Variants in ALCAM observed in about 807,000 individuals in gnomAD.
The protein encoded by ALCAM is CD166 antigen.
In ALCAM, 30 loss-of-function variants were observed where a neutral mutation model predicts 70.9. That is an observed-to-expected ratio of 0.42 (90% CI 0.32 to 0.57). The LOEUF (loss-of-function observed/expected upper bound fraction) is 0.57. ALCAM is among the 20% of genes least tolerant of loss of function. ALCAM has a pLI of 0.11. For missense variants in ALCAM, 591 were observed against 695.1 expected (o/e 0.85, Z 1.68); for synonymous variants, 249 against 242.5 (o/e 1.03, Z -0.25).
chr3:105,537,436 C>T (rs1487415594), intron 6 of ALCAM, among the ~76,000 whole-genome samples: 1 of 152,084 alleles, frequency 6.6e-6, no homozygotes, highest in Non-Finnish European at 1.5e-5. Flanking sequence ...CAGTGACTCC[C>T]CAGAGCTCTC....
chr3:105,377,264 T>G (rs1935401446), intron 1 of ALCAM, among the ~76,000 whole-genome samples: 1 of 152,138 alleles, frequency 6.6e-6, no homozygotes, highest in African/African-American at 2.4e-5. Flanking sequence ...TTTAGGTTGT[T>G]TCCAATCTTT....
Position 105,450,667 on chromosome 3 carries a change from A to G in ALCAM, c.74-69400A>G, listed in dbSNP as rs566155132. Among the ~76,000 whole-genome samples, 41 of 152,282 alleles carry G rather than the reference A, an allele frequency of 2.7e-4. 1 individual carries two copies. In the East Asian group the frequency reaches 4.2e-3, roughly 16 times the overall value. The stretch of plus-strand genomic sequence containing the variant: ...GCACAACTTTAAATTCTTTTTTTCT[A>G]TATGTCTCAGACAGAATAGATGGAG... On this transcript the variant is annotated intron_variant, in intron 1 of 15. Transcript: ENST00000306107.
intron 1 of ALCAM, among the ~76,000 whole-genome samples, chr3:105,498,042 A>T (rs1349258328): frequency 1.3e-5 from 2 of 149,958 alleles, no homozygotes; most frequent in East Asian, 1.9e-4. Context: ...AAAAAAAAAA[A>T]AAAGGGGGGA....
chr3:105,473,431 T>G (rs1937996276), intron 1 of ALCAM, among the ~76,000 whole-genome samples: 1 of 151,666 alleles, frequency 6.6e-6, no homozygotes, highest in Non-Finnish European at 1.5e-5. Flanking sequence ...CCATGGTCTT[T>G]TATTATAGTT....
At chr3:105,453,840 A>T (rs1937491761) in intron 1 of ALCAM, among the ~76,000 whole-genome samples, 1 of 152,120 alleles carries the variant, frequency 6.6e-6, no homozygotes, top group African/African-American at 2.4e-5. Context: ...GAGATTGTGA[A>T]TGGGAGTTCA....
chr3:105,378,075 A>C (rs1553717647), intron 1 of ALCAM, among the ~76,000 whole-genome samples: 1 of 151,992 alleles, frequency 6.6e-6, no homozygotes, highest in Non-Finnish European at 1.5e-5. Flanking sequence ...GCTTGTCAGA[A>C]TTTTGTATAA....
At chr3:105,542,491 C>A (rs1351903371) in intron 8 of ALCAM, among the ~76,000 whole-genome samples, 1 of 151,654 alleles carries the variant, frequency 6.6e-6, no homozygotes, top group Non-Finnish European at 1.5e-5. Flanking sequence ...CATACCACAC[C>A]CTGGTGACAC....
chr3:105,375,670 G>A (rs1559769520), intron 1 of ALCAM, among the ~76,000 whole-genome samples: 2 of 152,254 alleles, frequency 1.3e-5, no homozygotes, highest in Non-Finnish European at 1.5e-5. Flanking sequence ...ATTTCAGTAT[G>A]AGCATGAATT....
At chr3:105,454,653 A>ATTTTTTTTTTTTTTTTTTTTTTTTTTTT (rs59389132) in intron 1 of ALCAM, among the ~76,000 whole-genome samples, 1 of 61,754 alleles carries the variant, frequency 1.6e-5, no homozygotes, top group Admixed American at 2.9e-4. Context: ...ATGCTCATTA[A>ATTTTTTTTTTTTTTTTTTTTTTTTTTTT]TTTTTTTTTT....
chr3:105,540,697 G>T (rs972201452), intron 7 of ALCAM, among the ~76,000 whole-genome samples: 5 of 151,972 alleles, frequency 3.3e-5, no homozygotes, highest in Non-Finnish European at 7.4e-5. Flanking sequence ...GAGAGAGCTC[G>T]CTCTGAGGAT....
intron 14 of ALCAM, among the ~76,000 whole-genome samples, chr3:105,570,383 T>G (rs1286486021): frequency 6.6e-6 from 1 of 152,090 alleles, no homozygotes; most frequent in East Asian, 1.9e-4. Flanking sequence ...AGGATCAAAT[T>G]GACATTTGGG....
At chr3:105,442,703 C>A (rs1303848330) in intron 1 of ALCAM, among the ~76,000 whole-genome samples, 1 of 151,992 alleles carries the variant, frequency 6.6e-6, no homozygotes, top group African/African-American at 2.4e-5. Flanking sequence ...ATGATGTGAA[C>A]CCGGGAGGCG....
intron 1 of ALCAM, among the ~76,000 whole-genome samples, chr3:105,383,315 C>G (rs1355869375): frequency 1.3e-5 from 2 of 151,496 alleles, no homozygotes; most frequent in Non-Finnish European, 3.0e-5. Flanking sequence ...TTTTTTCTAC[C>G]CAGCGTCTAC....
chr3:105,478,112 T>C (rs777124191), intron 1 of ALCAM, among the ~76,000 whole-genome samples: 6 of 152,204 alleles, frequency 3.9e-5, no homozygotes, highest in Admixed American at 1.3e-4. Flanking sequence ...TCTTCTACTA[T>C]CTAGTAATTT....
Position 105,367,312 on chromosome 3 carries a change from T to C in ALCAM, c.-97T>C. 7.9e-7 allele frequency: 1 copy of C among 1,267,502 alleles called. No homozygotes were observed. The highest frequency in any genetic ancestry group is 1.3e-5 in the South Asian group (1 of 78,754). 78.5% of individuals were successfully genotyped at this position (1,267,502 alleles called of 1,614,324 possible). On this transcript the variant is annotated 5_prime_UTR_variant, in exon 1 of 16. Transcript: ENST00000306107. ...TCTGGGAGAAGACGCTGCCCCTGCG[T>C]CGGGACCCGCCAGCGCGCGGGCACC...
intron 1 of ALCAM, among the ~76,000 whole-genome samples, chr3:105,427,002 A>C (rs1936806886): frequency 6.6e-6 from 1 of 151,880 alleles, no homozygotes; most frequent in South Asian, 2.1e-4. Flanking sequence ...CCTCAAGCCA[A>C]GTGGGACTGT....
chr3:105,500,432 ATTTCC>A (rs772053159), intron 1 of ALCAM, among the ~76,000 whole-genome samples: 25 of 152,226 alleles, frequency 1.6e-4, no homozygotes, highest in Admixed American at 1.2e-3. Context: ...CTTTTAAAAT[ATTTCC>A]TTTCCAACTT....
intron 2 of ALCAM, among the ~76,000 whole-genome samples, chr3:105,522,053 T>A (rs1391750421): frequency 2.6e-5 from 4 of 152,148 alleles, no homozygotes; most frequent in African/African-American, 7.2e-5. Context: ...ACTTTGATGA[T>A]CATAGAAAAT....
chr3:105,418,803 A>G (rs1253479807), intron 1 of ALCAM, among the ~76,000 whole-genome samples: 2 of 151,670 alleles, frequency 1.3e-5, no homozygotes, highest in African/African-American at 4.8e-5. Context: ...CAGGTTCTAG[A>G]GTTTTCCAGA....
Sources: allele counts gnomAD v4.1 joint callset (sites outside exome capture counted in the v4.1 genomes callset), GRCh38; gene constraint gnomAD v4.1.1; transcripts MANE v1.5; gene names NCBI Gene and HGNC (gene_info 2026-07-23, HGNC 2026-07-21).